The following CEP63 variants were observed in gnomAD, a reference collection of about 807,000 sequenced individuals.
The protein encoded by CEP63 is centrosomal protein 63.
A neutral mutation model predicts 89.1 loss-of-function variants in CEP63; 84 were observed. That is an observed-to-expected ratio of 0.94 (90% CI 0.79 to 1.13). The LOEUF is 1.13. Among genes scored for constraint, CEP63 ranks in the 50% most tolerant of loss-of-function variants. The pLI is 0.00. For missense variants in CEP63, 838 were observed against 813.3 expected, an observed-to-expected ratio of 1.03 and a Z score of -0.37; for synonymous variants, 267 against 272.5, an observed-to-expected ratio of 0.98 and a Z score of 0.20.
At chr3:134,632,502 C>A in the CEP63 span, among the ~76,000 whole-genome samples, 1 of 151,922 alleles carries the variant, frequency 6.6e-6, no homozygotes, top group Non-Finnish European at 1.5e-5. Flanking sequence ...ACTTTCAAAT[C>A]ACACATAGAT....
chr3:134,712,322 C>T, the CEP63 span, among the ~76,000 whole-genome samples: 1 of 152,068 alleles, frequency 6.6e-6, no homozygotes, highest in African/African-American at 2.4e-5. Context: ...CTTTTTGGAA[C>T]TCCCGTTGTC....
At chr3:134,695,556 G>A in the CEP63 span, among the ~76,000 whole-genome samples, 7 of 152,318 alleles carry the variant, frequency 4.6e-5, no homozygotes, top group African/African-American at 1.4e-4. Flanking sequence ...GCAGGTGACG[G>A]CTATGCCACA....
chr3:134,532,896 T>G lies in CEP63; in HGVS notation c.437T>G (p.Ile146Arg). 1 of 1,613,488 alleles carries G rather than the reference T, an allele frequency of 6.2e-7. No homozygotes were observed. The highest frequency in any genetic ancestry group is 8.5e-7 in the Non-Finnish European group (1 of 1,179,674). ...GAAATTGAGAGGTTAACTGCAAAAA[T>G]AGAGGTATGTTCATAGTAATAATTT... ...RSEIERLTAK[I>R]EEFRQKSLDW... Residue 146 changes from isoleucine to arginine, a missense_variant, in exon 5 of 15, where the codon ATA (isoleucine) becomes AGA (arginine). Physicochemically the swap from Ile to Arg is moderately conservative, Grantham distance 97. Transcript: ENST00000675561.
intron 10 of CEP63, among the ~76,000 whole-genome samples, chr3:134,586,845 G>A (rs1958495594): frequency 6.6e-6 from 1 of 151,702 alleles, no homozygotes; most frequent in Non-Finnish European, 1.5e-5. Flanking sequence ...ACATAGATTT[G>A]GTCTTTTCAC....
the CEP63 span, chr3:134,625,114 C>A: frequency 6.2e-7 from 1 of 1,600,510 alleles, no homozygotes; most frequent in South Asian, 1.1e-5. Context: ...GGATTTCAGG[C>A]TAGATCGATC....
chr3:134,522,936 G>T (rs1947803767), intron 3 of CEP63, among the ~76,000 whole-genome samples: 1 of 152,108 alleles, frequency 6.6e-6, no homozygotes, highest in Non-Finnish European at 1.5e-5. Flanking sequence ...GGATTGCTGG[G>T]TTGAATGATA....
chr3:134,693,833 C>T, the CEP63 span, among the ~76,000 whole-genome samples: 1 of 152,162 alleles, frequency 6.6e-6, no homozygotes, highest in Admixed American at 6.5e-5. Flanking sequence ...TTTTGCCTCA[C>T]GTGCATGGAC....
At chr3:134,772,091 T>C in the CEP63 span, among the ~76,000 whole-genome samples, 2 of 151,682 alleles carry the variant, frequency 1.3e-5, no homozygotes, top group African/African-American at 2.4e-5. Flanking sequence ...CTGCCCAGAG[T>C]GGGTGGGATT....
At chr3:134,661,243 T>C in the CEP63 span, among the ~76,000 whole-genome samples, 1 of 152,142 alleles carries the variant, frequency 6.6e-6, no homozygotes. Flanking sequence ...ATCCATCCAC[T>C]CCATCTATCC....
chr3:134,610,830 C>G, the CEP63 span: 1 of 154,636 alleles, frequency 6.5e-6, no homozygotes, highest in African/African-American at 2.4e-5. Context: ...CTGGGAGAAC[C>G]AGGGCGCTTC....
chr3:134,709,849 C>T, the CEP63 span, among the ~76,000 whole-genome samples: 1 of 152,098 alleles, frequency 6.6e-6, no homozygotes, highest in African/African-American at 2.4e-5. Context: ...TAGAGTGCAC[C>T]CGGCATTAAT....
the CEP63 span, among the ~76,000 whole-genome samples, chr3:134,639,047 C>CT: frequency 0.98 from 133,570 of 135,854 alleles, 65,691 homozygotes; most frequent in East Asian, 1. Flanking sequence ...CATTTACAGC[C>CT]TTTTTTTTTT....
chr3:134,540,066 C>T (rs986316539), intron 6 of CEP63, among the ~76,000 whole-genome samples: 5 of 152,200 alleles, frequency 3.3e-5, no homozygotes, highest in East Asian at 1.9e-4. Context: ...CTGAGAGTAG[C>T]AAAGTGTTGA....
the CEP63 span, among the ~76,000 whole-genome samples, chr3:134,751,980 T>G: frequency 5.9e-5 from 9 of 152,090 alleles, no homozygotes; most frequent in Non-Finnish European, 1.0e-4. Flanking sequence ...ATGGAGCTCC[T>G]TGTGGGCAGG....
Position 134,551,975 on chromosome 3 carries a change from C to T in CEP63, c.1430C>T (p.Ser477Phe). ...CTCAAATTAGAAAATCGTCATCTTT[C>T]TGAAATGGTGATGAAATTGGAATTG... is the stretch of plus-strand genomic sequence containing the variant. ...ESLKLENRHL[S>F]EMVMKLELGL... Residue 477 changes from serine to phenylalanine, a missense_variant, in exon 12 of 15, where the codon TCT (serine) becomes TTT (phenylalanine). Transcript: ENST00000675561. 2 of 1,607,210 alleles carry T rather than the reference C, an allele frequency of 1.2e-6. No individual in the cohort carries two copies. Among genetic ancestry groups the T allele is most frequent in the Non-Finnish European group, 1.7e-6 (2 of 1,175,876 alleles).
the CEP63 span, among the ~76,000 whole-genome samples, chr3:134,766,990 A>C: frequency 6.6e-6 from 1 of 151,990 alleles, no homozygotes; most frequent in Non-Finnish European, 1.5e-5. Context: ...GGATTGATTA[A>C]ATTTGTACAG....
chr3:134,622,417 A>G, the CEP63 span, among the ~76,000 whole-genome samples: 1 of 152,264 alleles, frequency 6.6e-6, no homozygotes, highest in Non-Finnish European at 1.5e-5. Flanking sequence ...ATGCTACGAC[A>G]TGGATGAACC....
the CEP63 span, among the ~76,000 whole-genome samples, chr3:134,697,393 A>T: frequency 2.6e-5 from 4 of 152,156 alleles, no homozygotes; most frequent in African/African-American, 9.7e-5. Flanking sequence ...CTGCCCTCTC[A>T]AGCAGGGGCA....
the CEP63 span, among the ~76,000 whole-genome samples, chr3:134,605,413 C>G: frequency 1.3e-5 from 2 of 152,246 alleles, no homozygotes; most frequent in South Asian, 4.1e-4. Context: ...AGGAACTTTC[C>G]CCTAGCTTGG....
Sources: allele counts gnomAD v4.1 joint callset (sites outside exome capture counted in the v4.1 genomes callset), GRCh38; gene constraint gnomAD v4.1.1; transcripts MANE v1.5; gene names NCBI Gene and HGNC (gene_info 2026-07-23, HGNC 2026-07-21).